LTBP1: variants seen among roughly 807,000 people sequenced by gnomAD.
LTBP1 encodes the protein latent-transforming growth factor beta-binding protein 1.
Under a neutral mutation model 207.6 loss-of-function variants are expected in LTBP1, and 129 were observed. The observed-to-expected ratio is 0.62, with a 90% CI of 0.54 to 0.72. The LOEUF is 0.72. Among genes scored for constraint, LTBP1 ranks in the 30% least tolerant of loss-of-function variants. The pLI, the probability that LTBP1 is intolerant of heterozygous loss-of-function variation, is 0.00. For synonymous variants in LTBP1, 963 were observed against 833.7 expected (o/e 1.16, Z -2.67); for missense variants, 2,281 against 2,217.2 (o/e 1.03, Z -0.58).
chr2:32,993,476 C>T (rs957141130), intron 2 of LTBP1, among the ~76,000 whole-genome samples: 5 of 152,202 alleles, frequency 3.3e-5, no homozygotes, highest in African/African-American at 1.2e-4. Flanking sequence ...TTATTTGGTC[C>T]TGTTAGTTTC....
Position 33,188,629 on chromosome 2 carries a change from T to G in LTBP1, c.1479T>G (p.Ala493=), listed in dbSNP as rs1247919425. The change falls in exon 7 of 34, where the codon GCT becomes GCG. Residue 493 remains alanine (A), a synonymous_variant. Coordinates refer to ENST00000404816, the MANE Select transcript of LTBP1 (RefSeq NM_206943.4). The part of the protein sequence containing the change: ...VNIHVKHPPE[A]SVQIHQVSRI... ...TCCATGTGAAACATCCTCCTGAAGC[T>G]TCCGTCCAGATACATCAGGTTTCAA... 1 of 1,614,072 alleles carries G rather than the reference T, an allele frequency of 6.2e-7. No homozygotes were observed. The highest frequency in any genetic ancestry group is 8.5e-7 in the Non-Finnish European group (1 of 1,180,002).
At chr2:33,130,691 G>C (rs2081733255) in intron 4 of LTBP1, among the ~76,000 whole-genome samples, 1 of 152,018 alleles carries the variant, frequency 6.6e-6, no homozygotes, top group Non-Finnish European at 1.5e-5. Context: ...CCTCTTCTTG[G>C]AGGTATAAAT....
intron 3 of LTBP1, among the ~76,000 whole-genome samples, chr2:33,105,900 G>A (rs218219): frequency 0.54 from 82,561 of 152,060 alleles, 24,594 homozygotes; most frequent in South Asian, 0.69. Flanking sequence ...GTGGCATGCA[G>A]TGCTGTTTGA....
rs1184523844 is a variant in LTBP1, at chr2:33,291,264, G to A, written c.3113-1896G>A. On this transcript the variant is annotated intron_variant, in intron 19 of 33. Coordinates refer to ENST00000404816, the MANE Select transcript of LTBP1 (RefSeq NM_206943.4). ...TCCTAAATGGTAATCTGCAGTGTCT[G>A]TTAATTTACTTTACCTAGAGAAAGT... Among the ~76,000 whole-genome samples, 5 of 152,200 alleles carry A rather than the reference G, an allele frequency of 3.3e-5. No homozygotes were observed. In the East Asian group the frequency reaches 9.6e-4, roughly 29 times the overall value.
At chr2:33,159,274 A>G (rs527331523) in intron 5 of LTBP1, among the ~76,000 whole-genome samples, 8 of 152,330 alleles carry the variant, frequency 5.3e-5, no homozygotes, top group African/African-American at 1.9e-4. Context: ...TTCAGCATAC[A>G]GATGACTTAG....
At chr2:33,300,114 A>C (rs943652881) in intron 20 of LTBP1, among the ~76,000 whole-genome samples, 1 of 152,212 alleles carries the variant, frequency 6.6e-6, no homozygotes, top group African/African-American at 2.4e-5. Context: ...ACAGGTCTGC[A>C]AACTATCTGA....
At chr2:33,333,358 T>C (rs185030119) in intron 24 of LTBP1, among the ~76,000 whole-genome samples, 1 of 152,304 alleles carries the variant, frequency 6.6e-6, no homozygotes, top group African/African-American at 2.4e-5. Context: ...CCAGGTTGCT[T>C]TTTGGCAATG....
intron 5 of LTBP1, among the ~76,000 whole-genome samples, chr2:33,186,222 C>T (rs891810076): frequency 6.6e-6 from 1 of 152,012 alleles, no homozygotes; most frequent in African/African-American, 2.4e-5. Context: ...ATTTTTATTA[C>T]TGATTTGTTT....
chr2:32,947,076 C>G lies in LTBP1; in HGVS notation c.-249C>G, dbSNP rs1676284954. 1 of 309,548 alleles carries G rather than the reference C, an allele frequency of 3.2e-6. No individual in the cohort carries two copies. The highest frequency in any genetic ancestry group is 2.2e-5 in the African/African-American group (1 of 45,690). The allele number at this position is 309,548 out of a possible 1,614,324, so 19.2% of individuals were successfully genotyped here. A position where few individuals can be genotyped will look rare whatever the true frequency, so the allele number is the denominator to read the frequency against. On this transcript the variant is annotated 5_prime_UTR_variant, in exon 1 of 34. Transcript: ENST00000404816. ...TGCGCGGCCCGCTCCCCTCGCCCCT[C>G]CCCGCTCCCCGGGCTCCGCGCTCCC...
intron 31 of LTBP1, among the ~76,000 whole-genome samples, chr2:33,371,414 T>A (rs2095065823): frequency 6.6e-6 from 1 of 152,142 alleles, no homozygotes; most frequent in Admixed American, 6.6e-5. Context: ...AAATTTGTGG[T>A]CTTTATTGTG....
chr2:33,037,665 AT>A (rs1257068887), intron 3 of LTBP1, among the ~76,000 whole-genome samples: 60 of 151,798 alleles, frequency 4.0e-4, no homozygotes, highest in Non-Finnish European at 1.5e-4. Flanking sequence ...GTGATTTCTG[AT>A]TGTGAGTATT....
At chr2:32,998,191 C>T (rs1220514176) in intron 2 of LTBP1, among the ~76,000 whole-genome samples, 1 of 152,074 alleles carries the variant, frequency 6.6e-6, no homozygotes, top group Non-Finnish European at 1.5e-5. Flanking sequence ...TGAAAGCTCC[C>T]CAAGCCATTT....
chr2:32,968,727 C>CT (rs1431607859), intron 2 of LTBP1, among the ~76,000 whole-genome samples: 2,443 of 136,788 alleles, frequency 0.018, 59 homozygotes, highest in African/African-American at 0.058. Context: ...TTTTTCCTGC[C>CT]TTTTTTTTTT....
chr2:33,361,417 TTCTAAAA>T lies in LTBP1; in HGVS notation c.4184-9_4184-3del. The T allele has an allele frequency of 6.6e-7, 1 of 1,504,184 alleles. No individual in the cohort carries two copies. Among genetic ancestry groups the T allele is most frequent in the South Asian group, 1.2e-5 (1 of 84,002 alleles). The allele number at this position is 1,504,184 out of a possible 1,614,324, so 93.2% of individuals were successfully genotyped here. A position where few individuals can be genotyped will look rare whatever the true frequency, so the allele number is the denominator to read the frequency against. On this transcript the variant is annotated splice_region_variant and splice_polypyrimidine_tract_variant and intron_variant, in intron 27 of 33. Transcript: ENST00000404816. Reference sequence around the variant, plus strand: ...TGAATCTTTTTTTTTTTTTTGTCTCTTCTAAAATCAGCTGAGTTCACTGAAATGTGTC... The same window carrying T: ...TGAATCTTTTTTTTTTTTTTGTCTCTTCAGCTGAGTTCACTGAAATGTGTC...
intron 11 of LTBP1, among the ~76,000 whole-genome samples, chr2:33,255,776 C>T (rs1311674977): frequency 6.6e-6 from 1 of 152,122 alleles, no homozygotes; most frequent in Admixed American, 6.5e-5. Flanking sequence ...TTTAGAGTTT[C>T]CTTTTTCTTG....
intron 3 of LTBP1, among the ~76,000 whole-genome samples, chr2:33,060,216 A>T (rs949545955): frequency 3.9e-5 from 6 of 152,154 alleles, no homozygotes; most frequent in African/African-American, 9.7e-5. Context: ...ATGAGAGTTT[A>T]GGATTCCAAA....
At chr2:33,364,417 C>A (rs1023705010) in intron 30 of LTBP1, 61 bp downstream of exon 30, 5 of 1,510,056 alleles carry the variant, frequency 3.3e-6, no homozygotes, top group Non-Finnish European at 4.5e-6. Flanking sequence ...TTCCTTTTAA[C>A]TAAAATGTGA....
intron 3 of LTBP1, among the ~76,000 whole-genome samples, chr2:33,086,254 A>G (rs2078748753): frequency 6.6e-6 from 1 of 152,232 alleles, no homozygotes; most frequent in African/African-American, 2.4e-5. Flanking sequence ...TGGAGGTACC[A>G]GGTAAGTTCA....
intron 2 of LTBP1, among the ~76,000 whole-genome samples, chr2:33,003,322 C>G (rs1686319518): frequency 6.6e-6 from 1 of 152,210 alleles, no homozygotes; most frequent in Non-Finnish European, 1.5e-5. Context: ...ACTTCACTCC[C>G]TGCTTTGCTC....
Sources: gnomAD v4.1 joint callset for allele counts (sites outside exome capture counted in the v4.1 genomes callset) on GRCh38, gnomAD v4.1.1 for gene constraint, MANE v1.5 for transcripts, NCBI Gene and HGNC (gene_info 2026-07-23, HGNC 2026-07-21) for gene names.